Variants in MARK4 observed in about 807,000 individuals in gnomAD.
MARK4 encodes the protein MAP/microtubule affinity-regulating kinase 4.
In MARK4, 19 loss-of-function variants were observed where a neutral mutation model predicts 81.5. That is an observed-to-expected ratio of 0.23 (90% CI 0.16 to 0.34). The LOEUF is 0.34. Ranked by LOEUF, MARK4 falls within the 10% of genes least tolerant of loss-of-function variation. MARK4 has a pLI of 1.00. For missense variants in MARK4, 772 were observed against 1,058.8 expected (o/e 0.73, Z 3.76); for synonymous variants, 436 against 439.0 (o/e 0.99, Z 0.08).
At position 45,302,371 on chromosome 19, in the gene MARK4, C is replaced by T. The variant is rs1970987010; in HGVS notation, c.1923-3C>T. ...TCTGACCCCTGACATCTTCTCGCCT[C>T]AGTTGCCATCTACCTTGGGATCAAA... On this transcript the variant is annotated splice_region_variant and splice_polypyrimidine_tract_variant and intron_variant, in intron 16 of 16. Coordinates refer to ENST00000262891, the MANE Select transcript of MARK4 (RefSeq NM_001199867.2). This position sits in a 1 kb window ranked among gnomAD's most constrained non-coding sequence, Gnocchi z 4.9. 1 of 1,614,022 alleles carries T rather than the reference C, an allele frequency of 6.2e-7. No individual in the cohort carries two copies. The highest frequency in any genetic ancestry group is 1.3e-5 in the African/African-American group (1 of 74,942).
Position 45,303,803 on chromosome 19 carries a change from T to A in MARK4, c.*1093T>A, listed in dbSNP as rs1456818293. ...GTCTTGGGGAGCCCAGAAGAGAAAG[T>A]GGGCAGGGTGGGGTCATTGGGGAAG... is the stretch of plus-strand genomic sequence containing the variant. On this transcript the variant is annotated 3_prime_UTR_variant, in exon 17 of 17. Transcript: ENST00000262891. 1 of 151,918 alleles carries A rather than the reference T, an allele frequency of 6.6e-6. No individual in the cohort carries two copies. Among genetic ancestry groups the A allele is most frequent in the African/African-American group, 2.4e-5 (1 of 41,340 alleles). 9.4% of individuals were successfully genotyped at this position (151,918 alleles called of 1,614,324 possible).
At chr19:45,296,396 C>T (rs1243382289) in intron 14 of MARK4, among the ~76,000 whole-genome samples, 1 of 152,204 alleles carries the variant, frequency 6.6e-6, no homozygotes, top group Non-Finnish European at 1.5e-5. Flanking sequence ...AATGAGTTTC[C>T]AGCTCTGGGA....
chr19:45,262,220 G>A (rs759742096), intron 2 of MARK4, among the ~76,000 whole-genome samples: 16 of 152,196 alleles, frequency 1.1e-4, no homozygotes, highest in Non-Finnish European at 2.4e-4. Context: ...CCAGCTACTT[G>A]GGAGGCTGAG....
rs1167939622 is a variant in MARK4 at position 45,303,448 on chromosome 19, G to A, written c.*738G>A. The A allele has an allele frequency of 6.6e-6, 1 of 152,186 alleles. No individual in the cohort carries two copies. The highest frequency in any genetic ancestry group is 2.1e-4 in the South Asian group (1 of 4,828). The allele number at this position is 152,186 out of a possible 1,614,324, so 9.4% of individuals were successfully genotyped here. A position where few individuals can be genotyped will look rare whatever the true frequency, so the allele number is the denominator to read the frequency against. On this transcript the variant is annotated 3_prime_UTR_variant, in exon 17 of 17. Coordinates refer to ENST00000262891, the MANE Select transcript of MARK4 (RefSeq NM_001199867.2). ...AAGAGGCGTGGGAATCCAGGCAGTG[G>A]TTTTTCCTTTCGGAGCCTCGGTTTT...
At chr19:45,301,865 CAAAAAAAAA>C (rs11309011) in intron 16 of MARK4, among the ~76,000 whole-genome samples, 1 of 124,138 alleles carries the variant, frequency 8.1e-6, no homozygotes, top group Non-Finnish European at 1.7e-5. Context: ...AACTCCGTCT[CAAAAAAAAA>C]AAAAAAAAGA....
intron 12 of MARK4, among the ~76,000 whole-genome samples, chr19:45,286,787 A>G (rs1970748218): frequency 6.6e-6 from 1 of 152,152 alleles, no homozygotes; most frequent in South Asian, 2.1e-4. Context: ...GAAACAAGTT[A>G]TAGTCCTTTG....
intron 13 of MARK4, among the ~76,000 whole-genome samples, chr19:45,289,385 C>CAAAAAAAAAAAAA (rs35129419): frequency 1.9e-5 from 1 of 51,526 alleles, no homozygotes; most frequent in Non-Finnish European, 3.5e-5. Flanking sequence ...GACTCTGTTT[C>CAAAAAAAAAAAAA]AAAAAAAAAA....
In MARK4 at chr19:45,251,613, C is replaced by T. The variant is rs762115064; in HGVS notation, c.25C>T (p.Pro9Ser). 6.8e-7 allele frequency: 1 copy of T among 1,465,944 alleles called. No homozygotes were observed. The highest frequency in any genetic ancestry group is 1.3e-5 in the South Asian group (1 of 75,542). The allele number at this position is 1,465,944 out of a possible 1,614,324, so 90.8% of individuals were successfully genotyped here. A position where few individuals can be genotyped will look rare whatever the true frequency, so the allele number is the denominator to read the frequency against. ...GATGTCTTCGCGGACGGTGCTGGCC[C>T]CGGGCAACGATCGGAACTCGGACAC... The part of the protein sequence containing the change: MSSRTVLA[P>S]GNDRNSDTHG... The change falls in exon 1 of 17, where the codon CCG (proline) becomes TCG (serine). Residue 9 changes from proline (P) to serine (S), a missense_variant. Physicochemically the swap from Pro to Ser is moderately conservative, Grantham distance 74 (BLOSUM62 -1). Around this residue, in one of 3 missense-constraint regions of MARK4, gnomAD observed 115 missense variants for 139.8 expected, o/e 0.82. Transcript: ENST00000262891.
At chr19:45,286,433 G>T (rs1035560264) in intron 12 of MARK4, among the ~76,000 whole-genome samples, 4 of 151,466 alleles carry the variant, frequency 2.6e-5, no homozygotes, top group Admixed American at 2.0e-4. Flanking sequence ...TATGGGACCG[G>T]GTGCGGTGGC....
chr19:45,288,131 G>A (rs1416574827), intron 13 of MARK4: 1 of 173,460 alleles, frequency 5.8e-6, no homozygotes, highest in Admixed American at 5.9e-5. Context: ...GAAAGACCGA[G>A]GTGGGAGAAT....
At chr19:45,292,912 A>G (rs923544493) in intron 13 of MARK4, among the ~76,000 whole-genome samples, 1 of 152,060 alleles carries the variant, frequency 6.6e-6, no homozygotes, top group Non-Finnish European at 1.5e-5. Flanking sequence ...AGAATAAATC[A>G]GTGAAGGAGA....
chr19:45,259,211 G>A, intron 2 of MARK4, 22 bp downstream of exon 2: 1 of 1,612,192 alleles, frequency 6.2e-7, no homozygotes, highest in Non-Finnish European at 8.5e-7. Flanking sequence ...CACAGGGTGG[G>A]GCTCGGGGCA....
At chr19:45,256,081 C>A (rs1239519437) in intron 1 of MARK4, among the ~76,000 whole-genome samples, 2 of 152,190 alleles carry the variant, frequency 1.3e-5, no homozygotes, top group Admixed American at 1.3e-4. Flanking sequence ...GTGGCAGAAG[C>A]AACAGTGTTT....
At position 45,294,436 on chromosome 19, in the gene MARK4, A is replaced by G; in HGVS notation, c.1582A>G (p.Asn528Asp). 1.9e-6 allele frequency: 3 copies of G among 1,614,064 alleles called. No homozygotes were observed. The highest frequency in any genetic ancestry group is 2.5e-6 in the Non-Finnish European group (3 of 1,180,000). The change falls in exon 14 of 17, where the codon AAT becomes GAT. Residue 528 changes from asparagine (N) to aspartate (D), a missense_variant. Physicochemically the swap from Asn to Asp is conservative, Grantham distance 23 (BLOSUM62 1). Coordinates refer to ENST00000262891, the MANE Select transcript of MARK4 (RefSeq NM_001199867.2). Reference sequence around the variant, plus strand: ...GGCTGAGCGCCCGTCACTGTTGCCAAATGGGAAAGAAAACAGGTACGGAGG... The same window carrying G: ...GGCTGAGCGCCCGTCACTGTTGCCAGATGGGAAAGAAAACAGGTACGGAGG... The part of the protein sequence containing the change: ...PGAERPSLLP[N>D]GKENSSGTPR...
Position 45,268,996 on chromosome 19 carries a change from G to A in MARK4, c.550-2476G>A, listed in dbSNP as rs1396270610. ...AGCAGCTAACACGAGTTTTGGGGTC[G>A]TATTAGTACACCAGGGGTACCAACC... On this transcript the variant is annotated intron_variant, in intron 7 of 16. Coordinates refer to ENST00000262891, the MANE Select transcript of MARK4 (RefSeq NM_001199867.2). 3.9e-5 allele frequency among the ~76,000 whole-genome samples: 6 copies of A among 152,206 alleles called. 1 individual carries two copies. Among genetic ancestry groups the A allele is most frequent in the South Asian group, 4.1e-4 (2 of 4,828 alleles).
intron 1 of MARK4, among the ~76,000 whole-genome samples, chr19:45,256,657 G>A (rs1425455216): frequency 6.6e-6 from 1 of 152,186 alleles, no homozygotes; most frequent in Non-Finnish European, 1.5e-5. Flanking sequence ...TGAGGTCAGC[G>A]TTGATTGGGG....
At position 45,302,211 on chromosome 19, in the gene MARK4, G is replaced by A. The variant is rs1008871936; in HGVS notation, c.1923-163G>A. On this transcript the variant is annotated intron_variant, in intron 16 of 16. Transcript: ENST00000262891. This position sits in a 1 kb window ranked among gnomAD's most constrained non-coding sequence, Gnocchi z 4.9. ...GCTGGAAAGTGTGGTCTCTAGCTGG[G>A]CAGCTCTGTATCCAGTTGAAACTGT... Among the ~76,000 whole-genome samples, 4 of 152,242 alleles carry A rather than the reference G, an allele frequency of 2.6e-5. No individual in the cohort carries two copies. Among genetic ancestry groups the A allele is most frequent in the Admixed American group, 6.5e-5 (1 of 15,286 alleles).
Position 45,300,344 on chromosome 19 carries a change from G to GA in MARK4, c.1922+515dup, listed in dbSNP as rs745730201. Reference sequence around the variant, plus strand: ...GGGTAGCAAGAGTGAAACTCCGTCTGAAAAAAAAAAAAAAAAAAAAAAAAA... The same window carrying GA: ...GGGTAGCAAGAGTGAAACTCCGTCTGAAAAAAAAAAAAAAAAAAAAAAAAAA... On this transcript the variant is annotated intron_variant, in intron 16 of 16. Transcript: ENST00000262891. Among the ~76,000 whole-genome samples the GA allele has an allele frequency of 1.3e-3, 41 of 32,338 alleles. 9 individuals are homozygous for GA. The highest frequency in any genetic ancestry group is 5.5e-3 in the Admixed American group (8 of 1,466). 21.2% of individuals were successfully genotyped at this position (32,338 alleles called of 152,430 possible). A position where few individuals can be genotyped will look rare whatever the true frequency, so the allele number is the denominator to read the frequency against.
intron 15 of MARK4, among the ~76,000 whole-genome samples, chr19:45,298,430 T>C (rs985433689): frequency 1.3e-5 from 2 of 152,188 alleles, no homozygotes; most frequent in African/African-American, 4.8e-5. Flanking sequence ...AGCAAGTCAC[T>C]CAAGGTCTCT....
Sources: allele counts gnomAD v4.1 joint callset (sites outside exome capture counted in the v4.1 genomes callset), GRCh38; gene constraint gnomAD v4.1.1; regional missense constraint gnomAD v4.1.1; non-coding constraint Gnocchi (gnomAD v3.1); transcripts MANE v1.5; gene names NCBI Gene and HGNC (gene_info 2026-07-23, HGNC 2026-07-21).